The following ZNF770 variants were observed in gnomAD, a reference collection of about 807,000 sequenced individuals.
ZNF770 encodes zinc finger protein 770.
In ZNF770, 13 loss-of-function variants were observed where a neutral mutation model predicts 44.8. The ratio of observed to expected loss-of-function variants is 0.29; its 90% confidence interval spans 0.19 to 0.46. The LOEUF (loss-of-function observed/expected upper bound fraction) is 0.46, where lower values mean the gene tolerates loss of function less well. Ranked by LOEUF, ZNF770 falls within the 20% of genes least tolerant of loss-of-function variation. The pLI is 1.00. For synonymous variants in ZNF770, 304 were observed against 271.8 expected, an observed-to-expected ratio of 1.12 and a Z score of -1.17; for missense variants, 681 against 797.9, an observed-to-expected ratio of 0.85 and a Z score of 1.77.
In ZNF770 at chr15:34,988,262, C is replaced by T. The variant is rs561929915; in HGVS notation, c.-320G>A. The stretch of plus-strand genomic sequence containing the variant: ...CCAGGTGCCGCGAAGGCAGCGCGCG[C>T]ACGTCCGCAGGGCCGGCGCGGCAAC... On this transcript the variant is annotated 5_prime_UTR_variant, in exon 1 of 3. Coordinates refer to ENST00000356321, the MANE Select transcript of ZNF770 (RefSeq NM_014106.4). 1 of 152,192 alleles carries T rather than the reference C, an allele frequency of 6.6e-6. No individual in the cohort carries two copies. The allele number at this position is 152,192 out of a possible 1,614,324, so 9.4% of individuals were successfully genotyped here. A position where few individuals can be genotyped will look rare whatever the true frequency, so the allele number is the denominator to read the frequency against.
At position 34,983,372 on chromosome 15, in the gene ZNF770, T is replaced by C. The variant is rs200372739; in HGVS notation, c.63A>G (p.Leu21=). 6.2e-6 allele frequency: 10 copies of C among 1,602,192 alleles called. No homozygotes were observed. The highest frequency in any genetic ancestry group is 5.4e-5 in the African/African-American group (4 of 74,554). Reference sequence around the variant, plus strand: ...TGCAAACATATGGCCTGTTTCTAGGTAGTTTGTTGGCTACCACACACTGTT... The same window carrying C: ...TGCAAACATATGGCCTGTTTCTAGGCAGTTTGTTGGCTACCACACACTGTT... ...KIQQCVVANK[L]PRNRPYVCNI... is the part of the protein sequence containing the mutation. The change falls in exon 3 of 3, where the codon CTA becomes CTG. Residue 21 remains leucine, a synonymous_variant. Coordinates refer to ENST00000356321, the MANE Select transcript of ZNF770 (RefSeq NM_014106.4).
In ZNF770 at chr15:34,982,104, CCA is replaced by C. The variant is rs753459467; in HGVS notation, c.1329_1330del (p.Cys443TrpfsTer5). The C allele has an allele frequency of 1.2e-6, 2 of 1,613,860 alleles. No individual in the cohort carries two copies. Among genetic ancestry groups the C allele is most frequent in the African/African-American group, 1.3e-5 (1 of 74,934 alleles). The stretch of plus-strand genomic sequence containing the variant: ...ATTAAAGAATTCCTCACCTGATGAA[CCA>C]CAGATTGACAAGTCTTTCTTATTCA... On this transcript the variant is annotated frameshift_variant, in exon 3 of 3. Coordinates refer to ENST00000356321, the MANE Select transcript of ZNF770 (RefSeq NM_014106.4). LOFTEE classifies it high-confidence loss of function.
chr15:34,982,339 A>G lies in ZNF770; in HGVS notation c.1096T>C (p.Leu366=). The change falls in exon 3 of 3, where the codon TTG becomes CTG. Residue 366 remains leucine, a synonymous_variant. Coordinates refer to ENST00000356321, the MANE Select transcript of ZNF770 (RefSeq NM_014106.4). ...CCAGAAATAAGATCACAATTTCTCAAGAAACTCTTTTTAAATACTTTTTTC... is the reference window on the plus strand; with the variant it reads ...CCAGAAATAAGATCACAATTTCTCAGGAAACTCTTTTTAAATACTTTTTTC... ...SEKKVFKKSF[L]RNCDLISGEQ... 2 of 1,608,576 alleles carry G rather than the reference A, an allele frequency of 1.2e-6. No individual in the cohort carries two copies. Among genetic ancestry groups the G allele is most frequent in the Non-Finnish European group, 1.7e-6 (2 of 1,178,600 alleles).
chr15:34,986,902 T>A (rs2050438347), intron 2 of ZNF770, among the ~76,000 whole-genome samples: 1 of 152,182 alleles, frequency 6.6e-6, no homozygotes, highest in South Asian at 2.1e-4. Context: ...GCAGGGCAAG[T>A]CCTTGACTGC....
At position 34,981,364 on chromosome 15, in the gene ZNF770, T is replaced by C. The variant is rs766628620; in HGVS notation, c.2071A>G (p.Met691Val). 2 of 1,605,464 alleles carry C rather than the reference T, an allele frequency of 1.2e-6. No homozygotes were observed. Among genetic ancestry groups the C allele is most frequent in the Non-Finnish European group, 1.7e-6 (2 of 1,177,854 alleles). ...TTGTTAGTGGTTGCGACAATTTACATAACCGAATCTAAGGCAACCACTTTC... is the reference window on the plus strand; with the variant it reads ...TTGTTAGTGGTTGCGACAATTTACACAACCGAATCTAAGGCAACCACTTTC... ...QGKVVALDSV[M>V] The change falls in exon 3 of 3, where the codon ATG (methionine) becomes GTG (valine). Residue 691 changes from methionine to valine, a missense_variant. This residue lies in a region of ZNF770 where 26 missense variants were observed against 23.9 expected (regional missense o/e 1.09). Coordinates refer to ENST00000356321, the MANE Select transcript of ZNF770 (RefSeq NM_014106.4).
chr15:34,984,358 C>G (rs987501613), intron 2 of ZNF770, among the ~76,000 whole-genome samples: 3 of 152,172 alleles, frequency 2.0e-5, no homozygotes, highest in Non-Finnish European at 2.9e-5. Context: ...ACTAAATTTA[C>G]AGGTTTTAAA....
intron 2 of ZNF770, among the ~76,000 whole-genome samples, chr15:34,984,208 A>G (rs778805144): frequency 1.3e-5 from 2 of 152,240 alleles, no homozygotes; most frequent in Non-Finnish European, 2.9e-5. Flanking sequence ...GAGATAATGT[A>G]TATGAATGTG....
chr15:34,986,705 C>T (rs187909903), intron 2 of ZNF770, among the ~76,000 whole-genome samples: 9 of 152,296 alleles, frequency 5.9e-5, no homozygotes, highest in African/African-American at 1.9e-4. Context: ...AAAGGAGCCC[C>T]TAACAAAAAT....
At position 34,979,955 on chromosome 15, in the gene ZNF770, T is replaced by A. The variant is rs1479451861; in HGVS notation, c.*1404A>T. ...CAAATCATAACAGTTCTATTTGGAA[T>A]GATACCCACAACTCTACAAGCATCT... On this transcript the variant is annotated 3_prime_UTR_variant, in exon 3 of 3. Transcript: ENST00000356321. 4.5e-6 allele frequency: 1 copy of A among 221,618 alleles called. No individual in the cohort carries two copies. The highest frequency in any genetic ancestry group is 9.0e-6 in the Non-Finnish European group (1 of 111,302). 13.7% of individuals were successfully genotyped at this position (221,618 alleles called of 1,614,324 possible). A position where few individuals can be genotyped will look rare whatever the true frequency, so the allele number is the denominator to read the frequency against.
At position 34,981,120 on chromosome 15, in the gene ZNF770, A is replaced by T; in HGVS notation, c.*239T>A. 1 of 482,036 alleles carries T rather than the reference A, an allele frequency of 2.1e-6. No homozygotes were observed. 29.9% of individuals were successfully genotyped at this position (482,036 alleles called of 1,614,324 possible). A position where few individuals can be genotyped will look rare whatever the true frequency, so the allele number is the denominator to read the frequency against. ...CAATACAGCCAAAGTATATGTTTAC[A>T]ATATTAAAATGCCTACTTTATAGCA... On this transcript the variant is annotated 3_prime_UTR_variant, in exon 3 of 3. Transcript: ENST00000356321.
chr15:34,983,106 T>G lies in ZNF770; in HGVS notation c.329A>C (p.Asn110Thr), dbSNP rs1245885208. The G allele has an allele frequency of 1.2e-6, 2 of 1,614,128 alleles. No homozygotes were observed. The highest frequency in any genetic ancestry group is 3.3e-5 in the Admixed American group (2 of 60,034). Residue 110 changes from asparagine to threonine, a missense_variant, in exon 3 of 3, where the codon AAT (asparagine) becomes ACT (threonine). Physicochemically the swap from Asn to Thr is moderately conservative, Grantham distance 65 (BLOSUM62 0). Coordinates refer to ENST00000356321, the MANE Select transcript of ZNF770 (RefSeq NM_014106.4). ...CAGCAATCTTCTGACCTGTTTAACA[T>G]TATTCTGATAGGTTTCATTGTGAAG... The part of the protein sequence containing the change: ...QQLHNETYQN[N>T]VKQVRRLLEA...
At position 34,979,344 on chromosome 15, in the gene ZNF770, A is replaced by C. The variant is rs2050386172; in HGVS notation, c.*2015T>G. On this transcript the variant is annotated 3_prime_UTR_variant, in exon 3 of 3. Coordinates refer to ENST00000356321, the MANE Select transcript of ZNF770 (RefSeq NM_014106.4). ...AGGAGAAAACCTTGAACATTATTGG[A>C]AAATATAAACTAGTTATTCCTTGCT... 6.3e-6 allele frequency: 1 copy of C among 159,426 alleles called. No homozygotes were observed. Among genetic ancestry groups the C allele is most frequent in the Admixed American group, 6.5e-5 (1 of 15,336 alleles). 9.9% of individuals were successfully genotyped at this position (159,426 alleles called of 1,614,324 possible). A position where few individuals can be genotyped will look rare whatever the true frequency, so the allele number is the denominator to read the frequency against.
At chr15:34,987,806 A>G (rs1316198565) in intron 1 of ZNF770, 133 bp from the exon 2 acceptor site, 2 of 152,350 alleles carry the variant, frequency 1.3e-5, no homozygotes, top group East Asian at 3.9e-4. Flanking sequence ...TGGACAAAGG[A>G]CACTGACACA....
rs946072142 is a variant in ZNF770, at chr15:34,979,413, T to G, written c.*1946A>C. 5.2e-6 allele frequency: 1 copy of G among 194,080 alleles called. No homozygotes were observed. The highest frequency in any genetic ancestry group is 6.4e-5 in the Admixed American group (1 of 15,598). The allele number at this position is 194,080 out of a possible 1,614,324, so 12.0% of individuals were successfully genotyped here. ...GACAAGTTTTGTGTAAAGCAAATTC[T>G]GTAAACCATTATCTTGCTTGCACTG... On this transcript the variant is annotated 3_prime_UTR_variant, in exon 3 of 3. Transcript: ENST00000356321.
In ZNF770 at chr15:34,985,033, CTGCAGCACGATAAT is replaced by C. The variant is rs537863240; in HGVS notation, c.-56-1557_-56-1544del. Among the ~76,000 whole-genome samples the C allele has an allele frequency of 1.4e-4, 21 of 151,430 alleles. No homozygotes were observed. The East Asian group carries it at 3.1e-3, about 22-fold the overall frequency. On this transcript the variant is annotated intron_variant, in intron 2 of 2. Transcript: ENST00000356321. ...ATGTTAATTCCAGCTACTTGGGAGG[CTGCAGCACGATAAT>C]TGCTTGAACTGGGGAGGCGGAGGTT...
chr15:34,979,033 G>A lies in ZNF770; in HGVS notation c.*2326C>T, dbSNP rs1475504247. The A allele has an allele frequency of 6.6e-6, 1 of 152,402 alleles. No individual in the cohort carries two copies. The highest frequency in any genetic ancestry group is 1.9e-4 in the East Asian group (1 of 5,200). 9.4% of individuals were successfully genotyped at this position (152,402 alleles called of 1,614,324 possible). A position where few individuals can be genotyped will look rare whatever the true frequency, so the allele number is the denominator to read the frequency against. Reference sequence around the variant, plus strand: ...AGATGCAGAGTACATGGATACAGAGGGCCAACTGTTTTGTTACAGGTACTT... The same window carrying A: ...AGATGCAGAGTACATGGATACAGAGAGCCAACTGTTTTGTTACAGGTACTT... On this transcript the variant is annotated 3_prime_UTR_variant, in exon 3 of 3. Transcript: ENST00000356321.
chr15:34,978,799 CCA>C lies in ZNF770; in HGVS notation c.*2558_*2559del, dbSNP rs1054508817. On this transcript the variant is annotated 3_prime_UTR_variant, in exon 3 of 3. Coordinates refer to ENST00000356321, the MANE Select transcript of ZNF770 (RefSeq NM_014106.4). ...TTGGTTCCTGGACCGTCCCCCCAACCCACAGATACCAAAAATCCAAGTATACT... is the reference window on the plus strand; with the variant it reads ...TTGGTTCCTGGACCGTCCCCCCAACCCAGATACCAAAAATCCAAGTATACT... The C allele has an allele frequency of 5.3e-5, 8 of 152,170 alleles. No homozygotes were observed. Among genetic ancestry groups the C allele is most frequent in the Middle Eastern group, 3.4e-3 (1 of 294 alleles). The allele number at this position is 152,170 out of a possible 1,614,324, so 9.4% of individuals were successfully genotyped here. A position where few individuals can be genotyped will look rare whatever the true frequency, so the allele number is the denominator to read the frequency against.
chr15:34,981,105 A>C lies in ZNF770; in HGVS notation c.*254T>G. On this transcript the variant is annotated 3_prime_UTR_variant, in exon 3 of 3. Coordinates refer to ENST00000356321, the MANE Select transcript of ZNF770 (RefSeq NM_014106.4). ...TGGATTTATATTTTTCAATACAGCC[A>C]AAGTATATGTTTACAATATTAAAAT... The C allele has an allele frequency of 2.4e-6, 1 of 408,426 alleles. No homozygotes were observed. Among genetic ancestry groups the C allele is most frequent in the East Asian group, 4.2e-5 (1 of 23,760 alleles). 25.3% of individuals were successfully genotyped at this position (408,426 alleles called of 1,614,324 possible).
At chr15:34,987,216 TTGTTAGCAC>T (rs770575131) in intron 2 of ZNF770, among the ~76,000 whole-genome samples, 3 of 152,262 alleles carry the variant, frequency 2.0e-5, no homozygotes, top group Non-Finnish European at 4.4e-5. Flanking sequence ...TAATCATCCA[TTGTTAGCAC>T]TAAGATTGGA....
Sources: gnomAD v4.1 joint callset for allele counts (sites outside exome capture counted in the v4.1 genomes callset) on GRCh38, gnomAD v4.1.1 for gene constraint, gnomAD v4.1.1 regional missense constraint, MANE v1.5 for transcripts, NCBI Gene and HGNC (gene_info 2026-07-23, HGNC 2026-07-21) for gene names.